Variants in CD300A observed in about 807,000 individuals in gnomAD.
The protein encoded by CD300A is CMRF35-like molecule 8.
In CD300A, 22 loss-of-function variants were observed where a neutral mutation model predicts 33.6. That is an observed-to-expected ratio of 0.66 (90% CI 0.47 to 0.94). The LOEUF (loss-of-function observed/expected upper bound fraction) is 0.94, where lower values mean the gene tolerates loss of function less well. Among genes scored for constraint, CD300A ranks in the 40% least tolerant of loss-of-function variants. The pLI is 0.00. For synonymous variants in CD300A, 136 were observed against 148.1 expected (o/e 0.92, Z 0.59); for missense variants, 326 against 360.5 (o/e 0.90, Z 0.77).
rs145564151 is a variant in CD300A, at chr17:74,478,636, G to A, written c.628+1106G>A. Reference sequence around the variant, plus strand: ...TAAGCCTGAAGCTTCCTCCCTGTTCGGAGAGTTGAAGATTCCACAGGCAGA... The same window carrying A: ...TAAGCCTGAAGCTTCCTCCCTGTTCAGAGAGTTGAAGATTCCACAGGCAGA... On this transcript the variant is annotated intron_variant, in intron 4 of 6. Coordinates refer to ENST00000360141, the MANE Select transcript of CD300A (RefSeq NM_007261.4). 2.4e-4 allele frequency among the ~76,000 whole-genome samples: 36 copies of A among 152,308 alleles called. 1 individual carries two copies. The highest frequency in any genetic ancestry group is 2.3e-3 in the South Asian group (11 of 4,826).
At chr17:74,468,045 A>ATTTATTTATTTT (rs959584546) in intron 1 of CD300A, among the ~76,000 whole-genome samples, 5 of 132,896 alleles carry the variant, frequency 3.8e-5, no homozygotes, top group East Asian at 2.0e-4. Flanking sequence ...TTATTTATTT[A>ATTTATTTATTTT]TTTTTTGAGA....
At chr17:74,474,097 C>A (rs1906298360) in intron 2 of CD300A, among the ~76,000 whole-genome samples, 1 of 151,878 alleles carries the variant, frequency 6.6e-6, no homozygotes, top group Non-Finnish European at 1.5e-5. Flanking sequence ...GCTGAGAGAG[C>A]GTTGCCTGTG....
intron 1 of CD300A, 129 bp from the exon 2 acceptor site, chr17:74,473,407 G>A: frequency 1.2e-6 from 1 of 816,668 alleles, no homozygotes; most frequent in Non-Finnish European, 2.0e-6. Flanking sequence ...CCCCGCTCCT[G>A]GGTGGACAAG....
chr17:74,469,695 G>A (rs1345163615), intron 1 of CD300A, among the ~76,000 whole-genome samples: 1 of 152,108 alleles, frequency 6.6e-6, no homozygotes, highest in South Asian at 2.1e-4. Context: ...ATGGTAGTGT[G>A]CACCCTGTAG....
chr17:74,484,037 G>T lies in CD300A; in HGVS notation c.811G>T (p.Val271Leu). The change falls in exon 7 of 7, where the codon GTG becomes TTG. Residue 271 changes from valine to leucine, a missense_variant. By Grantham distance (32) the Val-to-Leu change is conservative. Coordinates refer to ENST00000360141, the MANE Select transcript of CD300A (RefSeq NM_007261.4). The part of the protein sequence containing the change: ...PREELHYASV[V>L]FDSNTNRIAA... ...GGAAGAACTTCACTATGCCTCGGTG[G>T]TGTTTGATTCTAACACCAACAGGAT... is the stretch of plus-strand genomic sequence containing the variant. 1 of 1,614,062 alleles carries T rather than the reference G, an allele frequency of 6.2e-7. No individual in the cohort carries two copies. The highest frequency in any genetic ancestry group is 8.5e-7 in the Non-Finnish European group (1 of 1,179,970).
At chr17:74,477,933 G>A (rs1031073503) in intron 4 of CD300A, among the ~76,000 whole-genome samples, 15 of 152,128 alleles carry the variant, frequency 9.9e-5, no homozygotes, top group East Asian at 1.9e-4. Flanking sequence ...CAAGGCTCCC[G>A]TGTCTATAAG....
chr17:74,468,409 T>A (rs999199447), intron 1 of CD300A, among the ~76,000 whole-genome samples: 4 of 152,152 alleles, frequency 2.6e-5, no homozygotes, highest in African/African-American at 9.7e-5. Flanking sequence ...CACGGTTCAC[T>A]GTAGCCTCCA....
At position 74,473,572 on chromosome 17, in the gene CD300A, G is replaced by T. The variant is rs1001376314; in HGVS notation, c.77G>T (p.Gly26Val). The T allele has an allele frequency of 1.2e-6, 2 of 1,614,020 alleles. No homozygotes were observed. Among genetic ancestry groups the T allele is most frequent in the Non-Finnish European group, 1.7e-6 (2 of 1,179,914 alleles). The change falls in exon 2 of 7, where the codon GGC (glycine) becomes GTC (valine). Residue 26 changes from glycine (G) to valine (V), a missense_variant. Coordinates refer to ENST00000360141, the MANE Select transcript of CD300A (RefSeq NM_007261.4). Reference sequence around the variant, plus strand: ...CTGAGCAAATGCAGGACCGTGGCGGGCCCCGTGGGGGGATCCCTGAGTGTG... The same window carrying T: ...CTGAGCAAATGCAGGACCGTGGCGGTCCCCGTGGGGGGATCCCTGAGTGTG... ...FALSKCRTVA[G>V]PVGGSLSVQC...
In CD300A at chr17:74,477,422, T is replaced by C. The variant is rs1906541128; in HGVS notation, c.534-14T>C. Reference sequence around the variant, plus strand: ...CAAGTTGGCCCCGCCCTTACCATCCTGTGCCTCCTCCAGGCTCCCGCTGCT... The same window carrying C: ...CAAGTTGGCCCCGCCCTTACCATCCCGTGCCTCCTCCAGGCTCCCGCTGCT... On this transcript the variant is annotated splice_polypyrimidine_tract_variant and intron_variant, in intron 3 of 6. Transcript: ENST00000360141. 7 of 1,606,568 alleles carry C rather than the reference T, an allele frequency of 4.4e-6. No homozygotes were observed. Among genetic ancestry groups the C allele is most frequent in the Non-Finnish European group, 6.0e-6 (7 of 1,173,758 alleles).
At chr17:74,474,731 A>T (rs745429151) in intron 3 of CD300A, 46 bp downstream of exon 3, 1 of 1,601,518 alleles carries the variant, frequency 6.2e-7, no homozygotes, top group Admixed American at 1.7e-5. Context: ...CTGTGCTAAG[A>T]GGAGGAGCCC....
intron 1 of CD300A, among the ~76,000 whole-genome samples, chr17:74,473,122 T>C (rs535206287): frequency 6.6e-6 from 1 of 150,848 alleles, no homozygotes; most frequent in Non-Finnish European, 1.5e-5. Context: ...GTGGGAAGGG[T>C]AAGGGAAAGG....
intron 1 of CD300A, among the ~76,000 whole-genome samples, chr17:74,472,561 G>A (rs1906173409): frequency 6.6e-6 from 1 of 151,704 alleles, no homozygotes; most frequent in South Asian, 2.1e-4. Context: ...GCAAACTAAG[G>A]TAAGACACAG....
At chr17:74,466,941 C>CAG in intron 1 of CD300A, 198 bp downstream of exon 1, 2 of 1,436,302 alleles carry the variant, frequency 1.4e-6, no homozygotes, top group Non-Finnish European at 1.8e-6. Flanking sequence ...GGGCCTCTCC[C>CAG]GGCTCTGCAC....
chr17:74,467,144 G>A (rs949816563), intron 1 of CD300A, among the ~76,000 whole-genome samples: 67 of 145,972 alleles, frequency 4.6e-4, no homozygotes, highest in African/African-American at 1.6e-3. Flanking sequence ...GGCTCACTGG[G>A]TGCAGGGTAT....
At position 74,484,138 on chromosome 17, in the gene CD300A, G is replaced by A. The variant is rs759452025; in HGVS notation, c.*12G>A. ...TAAGGAAGACATAGGCTTTTGTCCT[G>A]CCTCGCCATCGGAGCTCTCATGGGC... On this transcript the variant is annotated 3_prime_UTR_variant, in exon 7 of 7. Coordinates refer to ENST00000360141, the MANE Select transcript of CD300A (RefSeq NM_007261.4). 6.2e-7 allele frequency: 1 copy of A among 1,612,778 alleles called. No homozygotes were observed. Among genetic ancestry groups the A allele is most frequent in the Non-Finnish European group, 8.5e-7 (1 of 1,179,428 alleles).
At position 74,477,547 on chromosome 17, in the gene CD300A, C is replaced by T; in HGVS notation, c.628+17C>T. 3 of 1,588,190 alleles carry T rather than the reference C, an allele frequency of 1.9e-6. No homozygotes were observed. The highest frequency in any genetic ancestry group is 2.2e-5 in the South Asian group (2 of 90,372). ...GGATCAAAGGTGAGTTGGCTCCCCA[C>T]ACCCCTCTGCCCCACCTGGGGTGGT... On this transcript the variant is annotated intron_variant, in intron 4 of 6. Coordinates refer to ENST00000360141, the MANE Select transcript of CD300A (RefSeq NM_007261.4).
intron 5 of CD300A, 75 bp downstream of exon 5, chr17:74,481,401 C>T (rs1906836619): frequency 7.3e-7 from 1 of 1,378,546 alleles, no homozygotes; most frequent in Non-Finnish European, 1.0e-6. Flanking sequence ...GTTGGACAGT[C>T]CCATCGGCCA....
intron 4 of CD300A, 69 bp from the exon 5 acceptor site, chr17:74,481,220 G>A (rs1906818896): frequency 2.7e-6 from 4 of 1,490,860 alleles, no homozygotes; most frequent in African/African-American, 1.4e-5. Flanking sequence ...TTTCCCAGAA[G>A]GCTTGTAAGG....
chr17:74,482,572 CT>C (rs1241986036), intron 6 of CD300A, among the ~76,000 whole-genome samples: 1 of 151,634 alleles, frequency 6.6e-6, no homozygotes, highest in East Asian at 1.9e-4. Flanking sequence ...AGACCTGCCA[CT>C]TCCGGGTCCC....
Sources: allele counts gnomAD v4.1 joint callset (sites outside exome capture counted in the v4.1 genomes callset), GRCh38; gene constraint gnomAD v4.1.1; transcripts MANE v1.5; gene names NCBI Gene and HGNC (gene_info 2026-07-23, HGNC 2026-07-21).